The following MAN1A2 variants were observed in gnomAD, a reference collection of about 807,000 sequenced individuals.
MAN1A2 encodes mannosidase alpha class 1A member 2, also known as mannosyl-oligosaccharide 1,2-alpha-mannosidase IB.
Under a neutral mutation model 75.7 loss-of-function variants are expected in MAN1A2, and 26 were observed. The ratio of observed to expected loss-of-function variants is 0.34; its 90% CI spans 0.25 to 0.48. The LOEUF (loss-of-function observed/expected upper bound fraction) is 0.48, where lower values mean the gene tolerates loss of function less well. Ranked by LOEUF, MAN1A2 falls within the 20% of genes least tolerant of loss-of-function variation. The pLI is 0.99. For missense variants in MAN1A2, 562 were observed against 775.5 expected (o/e 0.72, Z 3.27); for synonymous variants, 247 against 264.6 (o/e 0.93, Z 0.65).
chr1:117,460,811 A>C lies in MAN1A2; in HGVS notation c.1074+199A>C, dbSNP rs148332215. Among the ~76,000 whole-genome samples, 257 of 152,324 alleles carry C rather than the reference A, an allele frequency of 1.7e-3. 1 individual carries two copies. The highest frequency in any genetic ancestry group is 6.8e-3 in the Middle Eastern group (2 of 294). On this transcript the variant is annotated intron_variant, in intron 7 of 12. Transcript: ENST00000356554. ...TATTTAAAATATGTATTGTTATTTG[A>C]GAAGTTATAACCACTGTTACATTTT... is the stretch of plus-strand genomic sequence containing the variant.
chr1:117,433,106 A>G (rs1426768431), intron 5 of MAN1A2, among the ~76,000 whole-genome samples: 1 of 151,970 alleles, frequency 6.6e-6, no homozygotes, highest in Non-Finnish European at 1.5e-5. Flanking sequence ...AAAGCATTTG[A>G]TAAGATGCAA....
chr1:117,483,531 G>C (rs945281205), intron 8 of MAN1A2, among the ~76,000 whole-genome samples: 1 of 151,820 alleles, frequency 6.6e-6, no homozygotes, highest in Non-Finnish European at 1.5e-5. Context: ...CATGATTTGG[G>C]TCTCAATTTG....
chr1:117,493,052 C>T, intron 8 of MAN1A2, 95 bp from the exon 9 acceptor site: 2 of 679,022 alleles, frequency 2.9e-6, no homozygotes, highest in Admixed American at 2.4e-5. Flanking sequence ...AAATTATTGA[C>T]CTCTAACATA....
chr1:117,458,523 A>ATATATT (rs1553236643), intron 6 of MAN1A2, among the ~76,000 whole-genome samples: 1 of 105,610 alleles, frequency 9.5e-6, no homozygotes, highest in African/African-American at 3.5e-5. Flanking sequence ...ATATATATAT[A>ATATATT]TTTTTTTTTT....
chr1:117,417,635 G>A (rs539100035), intron 4 of MAN1A2, among the ~76,000 whole-genome samples: 25 of 145,038 alleles, frequency 1.7e-4, no homozygotes, highest in African/African-American at 6.1e-4. Flanking sequence ...GGTGTCAGGA[G>A]CAAAACAATA....
chr1:117,452,745 A>C (rs565176405), intron 6 of MAN1A2, among the ~76,000 whole-genome samples: 1 of 152,242 alleles, frequency 6.6e-6, no homozygotes, highest in African/African-American at 2.4e-5. Flanking sequence ...GTAAGTGCTG[A>C]TGTAGAAATT....
chr1:117,507,305 C>A (rs1651404452), intron 12 of MAN1A2, among the ~76,000 whole-genome samples: 1 of 151,502 alleles, frequency 6.6e-6, no homozygotes, highest in Admixed American at 6.6e-5. Context: ...TGCCTTCAGA[C>A]CTCTCAAGAA....
At chr1:117,396,585 G>A (rs937009520) in intron 1 of MAN1A2, among the ~76,000 whole-genome samples, 1 of 152,132 alleles carries the variant, frequency 6.6e-6, no homozygotes, top group Admixed American at 6.5e-5. Flanking sequence ...GGAACCATTT[G>A]CATGGAGATC....
intron 1 of MAN1A2, among the ~76,000 whole-genome samples, chr1:117,378,540 A>G (rs1653230414): frequency 6.6e-6 from 1 of 152,094 alleles, no homozygotes; most frequent in Admixed American, 6.5e-5. Context: ...TGTTGTTGCA[A>G]AAACATTCTG....
At chr1:117,393,489 TGTG>T (rs1653800927) in intron 1 of MAN1A2, among the ~76,000 whole-genome samples, 2 of 142,162 alleles carry the variant, frequency 1.4e-5, no homozygotes, top group African/African-American at 5.5e-5. Context: ...TTTTTTTTTG[TGTG>T]TGTGTGTGTT....
chr1:117,445,840 T>TTGTGTGTGTGTG, intron 6 of MAN1A2, among the ~76,000 whole-genome samples: 1 of 79,960 alleles, frequency 1.3e-5, no homozygotes, highest in South Asian at 5.6e-4. Flanking sequence ...ATTTTCATAT[T>TTGTGTGTGTGTG]TGTGTGTGTG....
chr1:117,370,738 A>AGTGTGTGTGTGTGTGT (rs71658400), intron 1 of MAN1A2, among the ~76,000 whole-genome samples: 1,560 of 148,296 alleles, frequency 0.011, 18 homozygotes, highest in African/African-American at 0.013. Context: ...ATCTTCATTT[A>AGTGTGTGTGTGTGTGT]GTGTGTGTGT....
chr1:117,512,150 T>G (rs1290552), intron 12 of MAN1A2, among the ~76,000 whole-genome samples: 37,216 of 151,902 alleles, frequency 0.24, 4,722 homozygotes, highest in East Asian at 0.4. Context: ...TGTCTGATAA[T>G]GAGTCAAAGA....
At chr1:117,438,630 T>A (rs576790008) in intron 5 of MAN1A2, among the ~76,000 whole-genome samples, 1 of 152,234 alleles carries the variant, frequency 6.6e-6, no homozygotes, top group Non-Finnish European at 1.5e-5. Context: ...TGTACAGATA[T>A]ACCATTTTTA....
At chr1:117,503,028 C>T in intron 12 of MAN1A2, 58 bp downstream of exon 12, 2 of 842,714 alleles carry the variant, frequency 2.4e-6, no homozygotes, top group Admixed American at 3.0e-5. Flanking sequence ...TGTGTGATCA[C>T]TAGATGATGA....
intron 5 of MAN1A2, among the ~76,000 whole-genome samples, chr1:117,438,537 A>G (rs757363807): frequency 6.6e-6 from 1 of 152,212 alleles, no homozygotes; most frequent in Non-Finnish European, 1.5e-5. Context: ...GTAATGTCCT[A>G]GGCCTTCACA....
At chr1:117,394,374 G>T (rs57724283) in intron 1 of MAN1A2, among the ~76,000 whole-genome samples, 2,436 of 152,222 alleles carry the variant, frequency 0.016, 21 homozygotes, top group East Asian at 0.054. Flanking sequence ...GAGCCACTGC[G>T]CCTGGCCTTC....
intron 2 of MAN1A2, among the ~76,000 whole-genome samples, chr1:117,404,553 G>C (rs1029287984): frequency 2.0e-5 from 3 of 152,084 alleles, no homozygotes; most frequent in African/African-American, 7.2e-5. Context: ...TGCTGGCAGA[G>C]AGCCATTATC....
intron 6 of MAN1A2, among the ~76,000 whole-genome samples, chr1:117,442,910 T>C (rs950839440): frequency 6.6e-6 from 1 of 152,194 alleles, no homozygotes; most frequent in Non-Finnish European, 1.5e-5. Context: ...ATTGGTTTTT[T>C]ACTTAGAAAT....
Sources: allele counts gnomAD v4.1 joint callset (sites outside exome capture counted in the v4.1 genomes callset), GRCh38; gene constraint gnomAD v4.1.1; transcripts MANE v1.5; gene names NCBI Gene and HGNC (gene_info 2026-07-23, HGNC 2026-07-21).